The following WDPCP variants were observed in gnomAD, a reference collection of about 807,000 sequenced individuals.
WDPCP encodes WD repeat containing planar cell polarity effector.
In WDPCP, 71 loss-of-function variants were observed where a neutral mutation model predicts 93.1. That is an observed-to-expected ratio of 0.76 (90% confidence interval 0.63 to 0.93). WDPCP has a LOEUF of 0.93. WDPCP is among the 40% of genes least tolerant of loss of function. The pLI, the probability that WDPCP is intolerant of heterozygous loss-of-function variation, is 0.00. For synonymous variants in WDPCP, 315 were observed against 315.0 expected (o/e 1.00, Z 0.00); for missense variants, 844 against 887.4 (o/e 0.95, Z 0.62).
chr2:63,311,853 C>T lies in WDPCP; in HGVS notation c.1812+1395G>A, dbSNP rs146781922. 1.7e-3 allele frequency among the ~76,000 whole-genome samples: 258 copies of T among 151,970 alleles called. 2 individuals carry two copies. The highest frequency in any genetic ancestry group is 5.8e-3 in the African/African-American group (240 of 41,424). On this transcript the variant is annotated intron_variant, in intron 13 of 17. Transcript: ENST00000272321. ...CTTGAGAGAGAAATTTTACCAGGCA[C>T]CAAACATTTAAATATTCATCTCTTT... is the stretch of plus-strand genomic sequence containing the variant.
At chr2:63,618,520 T>C (rs530710423) in intron 3 of WDPCP, among the ~76,000 whole-genome samples, 3 of 152,342 alleles carry the variant, frequency 2.0e-5, no homozygotes, top group Admixed American at 1.3e-4. Flanking sequence ...TTATCCCCTA[T>C]GTTCCTCCCT....
chr2:63,506,939 T>TA (rs999468612), intron 1 of WDPCP, among the ~76,000 whole-genome samples: 2 of 151,904 alleles, frequency 1.3e-5, no homozygotes, highest in African/African-American at 4.8e-5. Flanking sequence ...ACTTGAAAGA[T>TA]ACTTTTGAAG....
chr2:63,764,476 CA>C (rs1452831607), intron 2 of WDPCP, among the ~76,000 whole-genome samples: 1 of 151,968 alleles, frequency 6.6e-6, no homozygotes, highest in Non-Finnish European at 1.5e-5. Context: ...CCTGGAAGAC[CA>C]AAATGTCAAC....
chr2:63,721,995 T>G (rs1440055552), intron 2 of WDPCP, among the ~76,000 whole-genome samples: 2 of 151,914 alleles, frequency 1.3e-5, no homozygotes, highest in African/African-American at 2.4e-5. Context: ...CCTCCCGAGG[T>G]GCCGGGATTG....
intron 14 of WDPCP, among the ~76,000 whole-genome samples, chr2:63,241,431 G>A (rs972063831): frequency 3.9e-5 from 6 of 152,120 alleles, no homozygotes; most frequent in South Asian, 2.1e-4. Flanking sequence ...AGAGTTGGCC[G>A]CAGTTTCAAT....
chr2:63,776,877 A>T (rs760863295), intron 2 of WDPCP, among the ~76,000 whole-genome samples: 1 of 152,112 alleles, frequency 6.6e-6, no homozygotes, highest in Non-Finnish European at 1.5e-5. Context: ...ATACTACATG[A>T]TCTCACTCAT....
chr2:63,586,442 A>T (rs1460482447), intron 1 of WDPCP, among the ~76,000 whole-genome samples: 2 of 152,184 alleles, frequency 1.3e-5, no homozygotes, highest in African/African-American at 4.8e-5. Context: ...CCACCTGGAG[A>T]TTCAAACTCA....
At chr2:63,451,110 A>G (rs1485942540) in intron 6 of WDPCP, among the ~76,000 whole-genome samples, 1 of 152,088 alleles carries the variant, frequency 6.6e-6, no homozygotes, top group African/African-American at 2.4e-5. Flanking sequence ...AAGAAAAAGA[A>G]TTCAAGATAT....
At chr2:63,401,911 A>G (rs1279711701) in intron 10 of WDPCP, among the ~76,000 whole-genome samples, 1 of 152,174 alleles carries the variant, frequency 6.6e-6, no homozygotes, top group Non-Finnish European at 1.5e-5. Context: ...GGAAGACAGT[A>G]TGGTGATTCC....
intron 14 of WDPCP, chr2:63,233,160 A>G (rs1049229239): frequency 2.6e-5 from 4 of 154,788 alleles, no homozygotes; most frequent in African/African-American, 9.7e-5. Context: ...AAGGACAACT[A>G]CTTTTTTAAA....
intron 1 of WDPCP, among the ~76,000 whole-genome samples, chr2:63,523,651 C>A (rs1194514001): frequency 1.3e-5 from 2 of 152,226 alleles, no homozygotes; most frequent in Non-Finnish European, 2.9e-5. Context: ...GTGGCTCACA[C>A]CTGTAATCCC....
chr2:63,282,494 G>T (rs568758667), intron 13 of WDPCP, among the ~76,000 whole-genome samples: 8 of 152,188 alleles, frequency 5.3e-5, no homozygotes, highest in African/African-American at 1.9e-4. Flanking sequence ...GACAGAGCGA[G>T]ACTCTGTCTC....
the WDPCP span, among the ~76,000 whole-genome samples, chr2:63,834,031 T>C: frequency 6.6e-6 from 1 of 152,212 alleles, no homozygotes; most frequent in South Asian, 2.1e-4. Flanking sequence ...TTTATCACTG[T>C]TTTATTCCTT....
At chr2:63,453,024 T>C (rs999234540) in intron 6 of WDPCP, among the ~76,000 whole-genome samples, 9 of 152,300 alleles carry the variant, frequency 5.9e-5, no homozygotes, top group Middle Eastern at 6.8e-3. Context: ...ATTCAGGACA[T>C]AGGCATGGAC....
intron 14 of WDPCP, among the ~76,000 whole-genome samples, chr2:63,251,026 T>A (rs1426297191): frequency 6.6e-6 from 1 of 151,996 alleles, no homozygotes; most frequent in Non-Finnish European, 1.5e-5. Context: ...GTTAGAAAGA[T>A]CTCAGATTAA....
intron 2 of WDPCP, among the ~76,000 whole-genome samples, chr2:63,488,095 A>T (rs191509695): frequency 1.3e-5 from 2 of 152,266 alleles, no homozygotes; most frequent in East Asian, 3.9e-4. Flanking sequence ...TGGGCTTCCC[A>T]GATGTCAAGA....
intron 3 of WDPCP, among the ~76,000 whole-genome samples, chr2:63,607,557 G>A (rs1203272217): frequency 6.6e-5 from 10 of 150,512 alleles, no homozygotes; most frequent in Non-Finnish European, 1.3e-4. Flanking sequence ...AGGACTGGGC[G>A]CGGTGGCTCC....
rs1397325272 is a variant in WDPCP at position 63,765,940 on chromosome 2, G to T, written n.308+47682C>A. Among the ~76,000 whole-genome samples the T allele has an allele frequency of 2.0e-5, 3 of 152,326 alleles. No individual in the cohort carries two copies. In the East Asian group the frequency reaches 5.8e-4, roughly 29 times the overall value. On this transcript the variant is annotated intron_variant and non_coding_transcript_variant, in intron 2 of 4. Coordinates refer to the WDPCP transcript ENST00000467687. ...CATCTCTCAGTCACATCAGGGCCAG[G>T]CTTCCTATCAGATATTTGGGCAGAA...
At chr2:63,362,299 G>GTGTGTGTGTA (rs1690544770) in intron 12 of WDPCP, among the ~76,000 whole-genome samples, 1 of 137,900 alleles carries the variant, frequency 7.3e-6, no homozygotes, top group African/African-American at 2.8e-5. Flanking sequence ...GTGTGTGTGT[G>GTGTGTGTGTA]TGTAGAAAGG....
Sources: gnomAD v4.1 joint callset for allele counts (sites outside exome capture counted in the v4.1 genomes callset) on GRCh38, gnomAD v4.1.1 for gene constraint, MANE v1.5 for transcripts, NCBI Gene and HGNC (gene_info 2026-07-23, HGNC 2026-07-21) for gene names.